Variants in WNT8B observed in about 807,000 individuals in gnomAD.
The protein encoded by WNT8B is Wnt family member 8B, also known as protein Wnt-8b.
A neutral mutation model predicts 36.6 loss-of-function variants in WNT8B; 24 were observed. The observed-to-expected ratio is 0.66, with a 90% CI of 0.48 to 0.92. WNT8B has a LOEUF of 0.92. WNT8B is among the 40% of genes least tolerant of loss of function. The pLI, the probability that WNT8B is intolerant of heterozygous loss-of-function variation, is 0.00. For missense variants in WNT8B, 402 were observed against 470.8 expected (o/e 0.85, Z 1.35); for synonymous variants, 199 against 189.8 (o/e 1.05, Z -0.40).
chr10:100,474,467 A>G (rs978897716), intron 1 of WNT8B, among the ~76,000 whole-genome samples: 8 of 149,120 alleles, frequency 5.4e-5, no homozygotes, highest in East Asian at 2.0e-4. Context: ...AATACTCACT[A>G]TGTTTTCTGC....
intron 2 of WNT8B, 131 bp from the exon 3 acceptor site, chr10:100,479,743 G>A: frequency 8.5e-7 from 1 of 1,182,264 alleles, no homozygotes; most frequent in Non-Finnish European, 1.2e-6. Flanking sequence ...TGTCAAATGA[G>A]ACAGCATATT....
chr10:100,478,471 A>G (rs1420953807), intron 1 of WNT8B, among the ~76,000 whole-genome samples: 2 of 152,236 alleles, frequency 1.3e-5, no homozygotes, highest in Admixed American at 6.5e-5. Context: ...ATAATCAGCA[A>G]CCATCACTAT....
chr10:100,482,408 C>T lies in WNT8B; in HGVS notation c.648C>T (p.Leu216=), dbSNP rs949744163. Residue 216 remains leucine (L), a synonymous_variant, in exon 6 of 6, where the codon CTC becomes CTT. Transcript: ENST00000343737. This position sits in a 1 kb window ranked among gnomAD's most constrained non-coding sequence, Gnocchi z 6.6. Reference sequence around the variant, plus strand: ...TGAAGGAGAAGTACCACGCAGCACTCAAGGTGGACCTGCTGCAGGGTGCTG... The same window carrying T: ...TGAAGGAGAAGTACCACGCAGCACTTAAGGTGGACCTGCTGCAGGGTGCTG... ...AHLKEKYHAA[L]KVDLLQGAGN... 7 of 1,607,210 alleles carry T rather than the reference C, an allele frequency of 4.4e-6. No individual in the cohort carries two copies. In the African/African-American group the frequency reaches 9.3e-5, roughly 21 times the overall value.
At chr10:100,475,178 T>C (rs1378395198) in intron 1 of WNT8B, among the ~76,000 whole-genome samples, 1 of 151,994 alleles carries the variant, frequency 6.6e-6, no homozygotes, top group Non-Finnish European at 1.5e-5. Flanking sequence ...AGGCGGAGGC[T>C]GCAGTGAGCC....
intron 1 of WNT8B, among the ~76,000 whole-genome samples, chr10:100,465,480 C>T (rs1850899030): frequency 6.6e-6 from 1 of 152,124 alleles, no homozygotes; most frequent in Admixed American, 6.5e-5. Flanking sequence ...AAGTGTTTTA[C>T]CTTAACTGGT....
chr10:100,479,612 G>A (rs1851084336), intron 2 of WNT8B, among the ~76,000 whole-genome samples: 1 of 152,180 alleles, frequency 6.6e-6, no homozygotes, highest in Non-Finnish European at 1.5e-5. Context: ...ATAAAACTGA[G>A]TTTCATTTCT....
intron 1 of WNT8B, among the ~76,000 whole-genome samples, chr10:100,470,802 C>T (rs957076620): frequency 7.9e-5 from 12 of 152,286 alleles, no homozygotes; most frequent in African/African-American, 2.6e-4. Context: ...AGCGCAGTGG[C>T]GCAATCTCGG....
In WNT8B at chr10:100,482,981, C is replaced by A. The variant is rs1215745779; in HGVS notation, c.*165C>A. On this transcript the variant is annotated 3_prime_UTR_variant, in exon 6 of 6. Transcript: ENST00000343737. This position sits in a 1 kb window ranked among gnomAD's most constrained non-coding sequence, Gnocchi z 6.6. ...GCTTGCCACTTTCCAGCCTGTTTCC[C>A]CAATTCCTCTGTGCTCTCCTAGAGC... The A allele has an allele frequency of 6.4e-6, 5 of 787,120 alleles. No homozygotes were observed. The highest frequency in any genetic ancestry group is 3.3e-5 in the Admixed American group (1 of 30,594). 48.8% of individuals were successfully genotyped at this position (787,120 alleles called of 1,614,324 possible).
rs763764424 is a variant in WNT8B, at chr10:100,463,245, C to T, written c.68+9C>T. 3.7e-6 allele frequency: 6 copies of T among 1,612,758 alleles called. No individual in the cohort carries two copies. The highest frequency in any genetic ancestry group is 5.1e-6 in the Non-Finnish European group (6 of 1,178,912). On this transcript the variant is annotated intron_variant, in intron 1 of 5. Transcript: ENST00000343737. ...CAACTCAGCCACAGCTGGTAAGTAA[C>T]CTGGACTCTTACCTGGAGCTGGGAA...
chr10:100,482,958 T>C lies in WNT8B; in HGVS notation c.*142T>C. ...GGAGAGACTGCAATTTCTCCAAAGC[T>C]TGCCACTTTCCAGCCTGTTTCCCCA... On this transcript the variant is annotated 3_prime_UTR_variant, in exon 6 of 6. Transcript: ENST00000343737. This position sits in a 1 kb window ranked among gnomAD's most constrained non-coding sequence, Gnocchi z 6.6. 2.0e-6 allele frequency: 2 copies of C among 1,000,566 alleles called. No individual in the cohort carries two copies. The highest frequency in any genetic ancestry group is 4.0e-5 in the South Asian group (2 of 50,542). The allele number at this position is 1,000,566 out of a possible 1,614,324, so 62.0% of individuals were successfully genotyped here. A position where few individuals can be genotyped will look rare whatever the true frequency, so the allele number is the denominator to read the frequency against.
In WNT8B at chr10:100,479,920, G is replaced by A; in HGVS notation, c.149G>A (p.Gly50Asp). The change falls in exon 3 of 6, where the codon GGT becomes GAT. Residue 50 changes from glycine (G) to aspartate (D), a missense_variant. Physicochemically the swap from Gly to Asp is moderately conservative, Grantham distance 94. This residue lies in a region of WNT8B where 131 missense variants were observed against 152.6 expected (regional missense o/e 0.86). Coordinates refer to ENST00000343737, the MANE Select transcript of WNT8B (RefSeq NM_003393.4). ...SSSVAAGAQS[G>D]IEECKYQFAW... The stretch of plus-strand genomic sequence containing the variant: ...AGTGTGGCAGCTGGTGCCCAGAGTG[G>A]TATTGAAGAATGCAAGTATCAGTTT... 1.9e-6 allele frequency: 3 copies of A among 1,614,026 alleles called. No individual in the cohort carries two copies. The highest frequency in any genetic ancestry group is 2.5e-6 in the Non-Finnish European group (3 of 1,179,952).
At chr10:100,471,255 C>T (rs1447646034) in intron 1 of WNT8B, among the ~76,000 whole-genome samples, 1 of 152,260 alleles carries the variant, frequency 6.6e-6, no homozygotes, top group African/African-American at 2.4e-5. Context: ...TTTCTCAAAA[C>T]ATATCCCTGT....
intron 1 of WNT8B, 120 bp downstream of exon 1, chr10:100,463,356 G>C (rs1374441282): frequency 1.1e-6 from 1 of 916,192 alleles, no homozygotes; most frequent in Admixed American, 2.5e-5. Flanking sequence ...AGGAAAAACT[G>C]TTCTATGGGG....
At chr10:100,476,606 C>T (rs1851040895) in intron 1 of WNT8B, among the ~76,000 whole-genome samples, 1 of 151,752 alleles carries the variant, frequency 6.6e-6, no homozygotes, top group South Asian at 2.1e-4. Context: ...TGGAACAATA[C>T]ATAATGATTC....
chr10:100,467,519 C>T (rs1482034943), intron 1 of WNT8B, among the ~76,000 whole-genome samples: 1 of 152,110 alleles, frequency 6.6e-6, no homozygotes, highest in Non-Finnish European at 1.5e-5. Context: ...CCCCTTCATT[C>T]AAAACTGCAA....
chr10:100,464,324 C>T (rs528714360), intron 1 of WNT8B, among the ~76,000 whole-genome samples: 4 of 152,152 alleles, frequency 2.6e-5, no homozygotes, highest in African/African-American at 7.2e-5. Context: ...ACCAATTAGT[C>T]CATTTTTAAT....
intron 3 of WNT8B, 107 bp downstream of exon 3, chr10:100,480,119 C>T: frequency 2.3e-6 from 3 of 1,332,726 alleles, no homozygotes; most frequent in Admixed American, 2.7e-5. Flanking sequence ...CTGCTCTCTT[C>T]TCTTAGGTCA....
chr10:100,465,795 C>T (rs1850901926), intron 1 of WNT8B, among the ~76,000 whole-genome samples: 1 of 152,122 alleles, frequency 6.6e-6, no homozygotes, highest in Non-Finnish European at 1.5e-5. Flanking sequence ...CCTCTACATG[C>T]ATCTCATAGA....
chr10:100,479,504 C>G lies in WNT8B; in HGVS notation c.103-370C>G, dbSNP rs538226063. Among the ~76,000 whole-genome samples, 9 of 152,252 alleles carry G rather than the reference C, an allele frequency of 5.9e-5. 1 individual carries two copies. Among genetic ancestry groups the G allele is most frequent in the African/African-American group, 2.2e-4 (9 of 41,538 alleles). On this transcript the variant is annotated intron_variant, in intron 2 of 5. Coordinates refer to ENST00000343737, the MANE Select transcript of WNT8B (RefSeq NM_003393.4). ...CTAAGATGGTCATGTGATGAGAACT[C>G]CTTAAATTTCATGAATTAGGTGATT...
Sources: allele counts gnomAD v4.1 joint callset (sites outside exome capture counted in the v4.1 genomes callset), GRCh38; gene constraint gnomAD v4.1.1; regional missense constraint gnomAD v4.1.1; non-coding constraint Gnocchi (gnomAD v3.1); transcripts MANE v1.5; gene names NCBI Gene and HGNC (gene_info 2026-07-23, HGNC 2026-07-21).